RIPK1: variants seen among roughly 807,000 people sequenced by gnomAD.
RIPK1 encodes the protein receptor-interacting serine/threonine-protein kinase 1.
A neutral mutation model predicts 62.4 loss-of-function variants in RIPK1; 27 were observed. That is an observed-to-expected ratio of 0.43 (90% CI 0.32 to 0.60). The LOEUF is 0.60. RIPK1 is among the 20% of genes least tolerant of loss of function. The pLI is 0.07. For synonymous variants in RIPK1, 287 were observed against 303.2 expected (o/e 0.95, Z 0.55); for missense variants, 735 against 831.0 (o/e 0.88, Z 1.42).
At chr6:3,073,263 TATATAC>T (rs1029454168) in intron 1 of RIPK1, among the ~76,000 whole-genome samples, 1 of 151,076 alleles carries the variant, frequency 6.6e-6, no homozygotes, top group African/African-American at 2.4e-5. Flanking sequence ...ATATATTACA[TATATAC>T]ATATACAAAT....
chr6:3,102,489 CATTTTGG>C (rs1760630319), intron 7 of RIPK1, among the ~76,000 whole-genome samples: 2 of 152,182 alleles, frequency 1.3e-5, no homozygotes, highest in South Asian at 4.1e-4. Context: ...TAATCCCAAG[CATTTTGG>C]ATAAGGGATA....
chr6:3,087,607 G>A (rs1460641917), intron 6 of RIPK1, among the ~76,000 whole-genome samples: 6 of 150,916 alleles, frequency 4.0e-5, no homozygotes, highest in Non-Finnish European at 8.8e-5. Flanking sequence ...CCAGGTTGGA[G>A]TGCAGTGGCG....
At chr6:3,081,201 AAGCTAAAGG>A in intron 4 of RIPK1, 85 bp downstream of exon 4, 5 of 1,454,234 alleles carry the variant, frequency 3.4e-6, no homozygotes, top group Non-Finnish European at 4.7e-6. Context: ...TACATTGGAG[AAGCTAAAGG>A]AAGACCTAGC....
intron 7 of RIPK1, among the ~76,000 whole-genome samples, chr6:3,094,143 A>G (rs80302302): frequency 0.12 from 12,649 of 104,648 alleles, 1,495 homozygotes; most frequent in East Asian, 0.33. Context: ...ACTGCAGAGT[A>G]CCTACCTGCC....
intron 8 of RIPK1, 22 bp downstream of exon 8, chr6:3,104,337 AT>A (rs1760725416): frequency 7.9e-7 from 1 of 1,267,646 alleles, no homozygotes; most frequent in South Asian, 1.2e-5. Context: ...TATGGTCAAA[AT>A]CTATTCATTT....
intron 6 of RIPK1, among the ~76,000 whole-genome samples, chr6:3,086,772 C>G (rs9391981): frequency 0.74 from 112,588 of 152,156 alleles, 47,718 homozygotes; most frequent in Non-Finnish European, 0.95. Context: ...CCATTACATA[C>G]GCATGACTGA....
intron 7 of RIPK1, among the ~76,000 whole-genome samples, 188 bp from the exon 8 acceptor site, chr6:3,104,037 C>T (rs1760707722): frequency 6.6e-6 from 1 of 152,132 alleles, no homozygotes; most frequent in Non-Finnish European, 1.5e-5. Context: ...AAGTGTGAGT[C>T]CTACAACCTT....
intron 7 of RIPK1, among the ~76,000 whole-genome samples, chr6:3,095,572 A>G (rs924033411): frequency 2.0e-5 from 3 of 152,254 alleles, no homozygotes; most frequent in South Asian, 2.1e-4. Flanking sequence ...AACAAACTCA[A>G]TTCATCAAAG....
chr6:3,079,911 A>G (rs941034618), intron 3 of RIPK1, among the ~76,000 whole-genome samples: 7 of 152,216 alleles, frequency 4.6e-5, no homozygotes, highest in African/African-American at 1.7e-4. Context: ...CATTGGGGAC[A>G]TGAGGCATTG....
chr6:3,082,718 T>C (rs920528384), intron 4 of RIPK1, among the ~76,000 whole-genome samples: 24 of 151,884 alleles, frequency 1.6e-4, no homozygotes, highest in African/African-American at 5.3e-4. Flanking sequence ...ATAACCATTT[T>C]CCCCCCAAGC....
intron 1 of RIPK1, among the ~76,000 whole-genome samples, chr6:3,073,654 G>A (rs1222404037): frequency 6.6e-6 from 1 of 152,170 alleles, no homozygotes; most frequent in Non-Finnish European, 1.5e-5. Flanking sequence ...AAGGCCCATA[G>A]GTGCTGCTGT....
chr6:3,064,978 C>T (rs1042333482), upstream of RIPK1, among the ~76,000 whole-genome samples: 2 of 152,072 alleles, frequency 1.3e-5, no homozygotes, highest in African/African-American at 4.8e-5. Context: ...TGCGGTGGCT[C>T]ACGCCTGTAA....
chr6:3,096,727 T>A (rs1364907722), intron 7 of RIPK1, among the ~76,000 whole-genome samples: 2 of 105,960 alleles, frequency 1.9e-5, no homozygotes, highest in African/African-American at 1.8e-4. Context: ...ACCCAGCGAA[T>A]TTTTTTTTTT....
At position 3,105,432 on chromosome 6, in the gene RIPK1, C is replaced by T. The variant is rs958930862; in HGVS notation, c.1007-50C>T. On this transcript the variant is annotated intron_variant, in intron 8 of 10. Transcript: ENST00000259808. This position sits in a 1 kb window ranked among gnomAD's most constrained non-coding sequence, Gnocchi z 4.5. ...ATGACGGCGCTCAGATTTTATTTTACTTTTTAATGTTTCATGACACCCATT... is the reference window on the plus strand; with the variant it reads ...ATGACGGCGCTCAGATTTTATTTTATTTTTTAATGTTTCATGACACCCATT... 40 of 1,384,264 alleles carry T rather than the reference C, an allele frequency of 2.9e-5. No homozygotes were observed. The highest frequency in any genetic ancestry group is 3.6e-5 in the Non-Finnish European group (37 of 1,016,624). The allele number at this position is 1,384,264 out of a possible 1,614,324, so 85.7% of individuals were successfully genotyped here.
Position 3,105,967 on chromosome 6 carries a change from C to G in RIPK1, c.1492C>G (p.Pro498Ala). The change falls in exon 9 of 11, where the codon CCT (proline) becomes GCT (alanine). Residue 498 changes from proline to alanine, a missense_variant. By Grantham distance (27) the Pro-to-Ala change is conservative. Transcript: ENST00000259808. This position sits in a 1 kb window ranked among gnomAD's most constrained non-coding sequence, Gnocchi z 4.5. The stretch of plus-strand genomic sequence containing the variant: ...GTACAGGCCAATTCCAAGTCATATG[C>G]CTAGTCTGCATAATATCCCAGTGCC... ...VWYRPIPSHM[P>A]SLHNIPVPET... 1 of 1,614,050 alleles carries G rather than the reference C, an allele frequency of 6.2e-7. No individual in the cohort carries two copies. The highest frequency in any genetic ancestry group is 8.5e-7 in the Non-Finnish European group (1 of 1,179,932).
intron 5 of RIPK1, 114 bp from the exon 6 acceptor site, chr6:3,085,145 A>G (rs1040794463): frequency 1.9e-6 from 2 of 1,079,702 alleles, no homozygotes; most frequent in South Asian, 2.8e-5. Flanking sequence ...ATTCCACTCT[A>G]TGGAATGAGG....
chr6:3,102,629 C>T (rs1362914671), intron 7 of RIPK1, among the ~76,000 whole-genome samples: 1 of 152,148 alleles, frequency 6.6e-6, no homozygotes, highest in Non-Finnish European at 1.5e-5. Context: ...GAGACAGAGT[C>T]TCCCTCTGTT....
Position 3,072,041 on chromosome 6 carries a change from A to T in RIPK1, c.-61+3380A>T, listed in dbSNP as rs1040003931. On this transcript the variant is annotated intron_variant, in intron 1 of 10. Transcript: ENST00000259808. The surrounding 1 kb of genome is among the most constrained non-coding windows in gnomAD (Gnocchi z 5.6). ...ACATCGCTTTTGCAAACTGCTAGAT[A>T]TATTTCAGTGTTGATGGGCATAACT... Among the ~76,000 whole-genome samples the T allele has an allele frequency of 6.6e-6, 1 of 152,204 alleles. No homozygotes were observed. The highest frequency in any genetic ancestry group is 6.5e-5 in the Admixed American group (1 of 15,278).
upstream of RIPK1, among the ~76,000 whole-genome samples, chr6:3,065,119 T>C (rs1475814325): frequency 6.6e-6 from 1 of 150,580 alleles, no homozygotes; most frequent in Non-Finnish European, 1.5e-5. Flanking sequence ...TAGCCGGGCG[T>C]GGTGGCGGGC....
Sources: allele counts gnomAD v4.1 joint callset (sites outside exome capture counted in the v4.1 genomes callset), GRCh38; gene constraint gnomAD v4.1.1; non-coding constraint Gnocchi (gnomAD v3.1); transcripts MANE v1.5; gene names NCBI Gene and HGNC (gene_info 2026-07-23, HGNC 2026-07-21).